Variants in CCPG1 observed in about 807,000 individuals in gnomAD.
CCPG1 encodes the protein cell cycle progression 1, also known as cell cycle progression protein 1.
In CCPG1, 46 loss-of-function variants were observed where a neutral mutation model predicts 81.3. That is an observed-to-expected ratio of 0.57 (90% confidence interval 0.45 to 0.72). The LOEUF is 0.72. Among genes scored for constraint, CCPG1 ranks in the 30% least tolerant of loss-of-function variants. The pLI, the probability that CCPG1 is intolerant of heterozygous loss-of-function variation, is 0.00. For synonymous variants in CCPG1, 330 were observed against 305.2 expected (o/e 1.08, Z -0.85); for missense variants, 902 against 937.6 (o/e 0.96, Z 0.50).
chr15:55,369,274 G>A (rs1398930748), intron 6 of CCPG1, among the ~76,000 whole-genome samples: 3 of 151,968 alleles, frequency 2.0e-5, no homozygotes, highest in Non-Finnish European at 4.4e-5. Flanking sequence ...GGTGGCTCAC[G>A]CCTGTAATCC....
At position 55,359,546 on chromosome 15, in the gene CCPG1, C is replaced by T. The variant is rs950226507; in HGVS notation, c.2227G>A (p.Gly743Arg). Reference protein sequence around the residue: ...FFGHTFSPPYGPSRPDKKQRM... With the variant: ...FFGHTFSPPYRPSRPDKKQRM... ...GGTTTTATGTAAACCGACCTGGGTC[C>T]ATATGGAGGGGAAAAAGTGTGACCA... The change falls in exon 8 of 9, where the codon GGA becomes AGA. Residue 743 changes from glycine (G) to arginine (R), a missense_variant. Gly to Arg is a moderately radical substitution (Grantham distance 125, BLOSUM62 -2). Coordinates refer to ENST00000442196, the MANE Select transcript of CCPG1 (RefSeq NM_001204450.2). 3 of 1,603,660 alleles carry T rather than the reference C, an allele frequency of 1.9e-6. No homozygotes were observed. Among genetic ancestry groups the T allele is most frequent in the African/African-American group, 2.7e-5 (2 of 74,324 alleles).
chr15:55,386,821 G>A (rs141757478), intron 2 of CCPG1, among the ~76,000 whole-genome samples: 5,530 of 151,674 alleles, frequency 0.036, 135 homozygotes, highest in Non-Finnish European at 0.056. Flanking sequence ...GGCGTGAACC[G>A]ATGGGGCGGA....
chr15:55,357,639 C>G (rs188818297), intron 8 of CCPG1: 1 of 156,626 alleles, frequency 6.4e-6, no homozygotes, highest in Admixed American at 6.5e-5. Context: ...CACTTGAGGT[C>G]AGGATTTCAA....
rs1268237869 is a variant in CCPG1, at chr15:55,356,007, C to CA, written c.*212dup. The CA allele has an allele frequency of 2.5e-5, 13 of 511,920 alleles. No individual in the cohort carries two copies. The highest frequency in any genetic ancestry group is 8.7e-5 in the South Asian group (3 of 34,306). 31.7% of individuals were successfully genotyped at this position (511,920 alleles called of 1,614,324 possible). On this transcript the variant is annotated 3_prime_UTR_variant, in exon 9 of 9. Transcript: ENST00000442196. ...AACTACAGTTGAACATTTCCAGTGT[C>CA]AAAAAAAATTCAACGAAGCTAAACT...
chr15:55,407,036 G>GCCCCCC lies in CCPG1; in HGVS notation c.-10+1184_-10+1185insGGGGGG, dbSNP rs2057241056. On this transcript the variant is annotated intron_variant, in intron 1 of 8. Coordinates refer to ENST00000442196, the MANE Select transcript of CCPG1 (RefSeq NM_001204450.2). The stretch of plus-strand genomic sequence containing the variant: ...AAGACCAGCCTGGCCGACACGTTGA[G>GCCCCCC]ACCCCCCCCCCCGCCCCGCCGTCTC... Among the ~76,000 whole-genome samples the GCCCCCC allele has an allele frequency of 2.6e-5, 3 of 116,232 alleles. 1 individual carries two copies. Among genetic ancestry groups the GCCCCCC allele is most frequent in the African/African-American group, 9.8e-5 (2 of 20,332 alleles). The allele number at this position is 116,232 out of a possible 152,430, so 76.3% of individuals were successfully genotyped here. A position where few individuals can be genotyped will look rare whatever the true frequency, so the allele number is the denominator to read the frequency against.
At chr15:55,400,114 C>G (rs545229265) in intron 1 of CCPG1, among the ~76,000 whole-genome samples, 23 of 136,216 alleles carry the variant, frequency 1.7e-4, no homozygotes, top group Non-Finnish European at 3.5e-4. Context: ...GGCTGAGGCA[C>G]AAGAATTGCT....
intron 8 of CCPG1, chr15:55,356,856 T>C: frequency 1.0e-6 from 1 of 986,798 alleles, no homozygotes; most frequent in Non-Finnish European, 1.2e-6. Context: ...TTAATGTCTA[T>C]GATCAGGCTT....
Position 55,360,331 on chromosome 15 carries a change from G to T in CCPG1, c.1442C>A (p.Ser481Ter). 6.2e-7 allele frequency: 1 copy of T among 1,613,544 alleles called. No homozygotes were observed. The highest frequency in any genetic ancestry group is 1.1e-5 in the South Asian group (1 of 90,986). The change falls in exon 8 of 9, where the codon TCA becomes TAA. Residue 481 changes from serine (S) to a stop codon, truncating the protein, a stop_gained. Coordinates refer to ENST00000442196, the MANE Select transcript of CCPG1 (RefSeq NM_001204450.2). LOFTEE classifies it high-confidence loss of function. The part of the protein sequence containing the change: ...GRGSHRAKNK[S>*]KETFLGSVKE... Reference sequence around the variant, plus strand: ...AACTGAACCCAAAAATGTTTCCTTTGACTTATTTTTAGCCCTGTGGCTTCC... The same window carrying T: ...AACTGAACCCAAAAATGTTTCCTTTTACTTATTTTTAGCCCTGTGGCTTCC...
Position 55,389,332 on chromosome 15 carries a change from A to C in CCPG1, c.60+33T>G, listed in dbSNP as rs747791537. 3 of 1,436,676 alleles carry C rather than the reference A, an allele frequency of 2.1e-6. No homozygotes were observed. The African/African-American group carries it at 4.2e-5, about 20-fold the overall frequency. The allele number at this position is 1,436,676 out of a possible 1,614,324, so 89.0% of individuals were successfully genotyped here. ...ACATCACTGGTAACATTAATATTAC[A>C]AATTACCTTATAAAAAGTATTAAAT... On this transcript the variant is annotated intron_variant, in intron 2 of 8. Transcript: ENST00000442196.
chr15:55,379,893 G>A (rs1201205947), intron 3 of CCPG1, among the ~76,000 whole-genome samples: 1 of 152,036 alleles, frequency 6.6e-6, no homozygotes, highest in African/African-American at 2.4e-5. Context: ...GAGGTCAGGA[G>A]TTTGAGACCA....
rs1225771871 is a variant in CCPG1, at chr15:55,360,509, T to C, written c.1264A>G (p.Lys422Glu). 3 of 1,614,150 alleles carry C rather than the reference T, an allele frequency of 1.9e-6. No homozygotes were observed. The highest frequency in any genetic ancestry group is 2.5e-6 in the Non-Finnish European group (3 of 1,180,030). ...CTTTCCCGTAAGATTGCTATTTCCT[T>C]TTTTTCAGTATATACATTGGGAGAA... ...SDSPNVYTEK[K>E]EIAILRERLT... The change falls in exon 8 of 9, where the codon AAG (lysine) becomes GAG (glutamate). Residue 422 changes from lysine to glutamate, a missense_variant. Transcript: ENST00000442196.
chr15:55,372,518 G>A (rs562908657), intron 5 of CCPG1: 11 of 193,404 alleles, frequency 5.7e-5, no homozygotes, highest in East Asian at 2.8e-4. Context: ...AAAATTAGCC[G>A]GGCATGGTAG....
At chr15:55,397,885 G>A (rs2057051597) in intron 1 of CCPG1, among the ~76,000 whole-genome samples, 4 of 152,092 alleles carry the variant, frequency 2.6e-5, no homozygotes, top group Admixed American at 2.0e-4. Context: ...GCTGAGGCAG[G>A]AGAATCGCCT....
At chr15:55,376,149 AT>A (rs1214282856) in intron 5 of CCPG1, among the ~76,000 whole-genome samples, 1 of 152,226 alleles carries the variant, frequency 6.6e-6, no homozygotes, top group Non-Finnish European at 1.5e-5. Context: ...AAATTAGGAA[AT>A]TTTTAGAATC....
At chr15:55,363,335 C>T (rs1282289221) in intron 7 of CCPG1, among the ~76,000 whole-genome samples, 4 of 151,020 alleles carry the variant, frequency 2.6e-5, no homozygotes, top group South Asian at 4.2e-4. Flanking sequence ...GGCAACAGAG[C>T]GAGGCTCCAT....
chr15:55,364,543 CAATT>C (rs2056280906), intron 7 of CCPG1, among the ~76,000 whole-genome samples: 5 of 150,586 alleles, frequency 3.3e-5, no homozygotes, highest in African/African-American at 9.7e-5. Context: ...TCCTTAGAAT[CAATT>C]AATTAGCTCT....
intron 4 of CCPG1, among the ~76,000 whole-genome samples, chr15:55,377,595 A>G (rs982868869): frequency 2.6e-5 from 4 of 152,222 alleles, no homozygotes; most frequent in African/African-American, 9.6e-5. Context: ...ACAAATTTCT[A>G]CGCTGGAATG....
At chr15:55,359,436 T>G in intron 8 of CCPG1, 103 bp downstream of exon 8, 1 of 1,479,214 alleles carries the variant, frequency 6.8e-7, no homozygotes, top group Non-Finnish European at 8.9e-7. Context: ...AGCACAACTC[T>G]TAGAAACGGT....
At chr15:55,380,389 G>A (rs1448382380) in intron 3 of CCPG1, among the ~76,000 whole-genome samples, 2 of 150,942 alleles carry the variant, frequency 1.3e-5, no homozygotes, top group Non-Finnish European at 2.9e-5. Context: ...TCCGCCTCCC[G>A]GGTTCACGCC....
Sources: allele counts gnomAD v4.1 joint callset (sites outside exome capture counted in the v4.1 genomes callset), GRCh38; gene constraint gnomAD v4.1.1; transcripts MANE v1.5; gene names NCBI Gene and HGNC (gene_info 2026-07-23, HGNC 2026-07-21).